Variants in VAX2 observed in about 807,000 individuals in gnomAD.
The protein encoded by VAX2 is ventral anterior homeobox 2.
In VAX2, 8 loss-of-function variants were observed where a neutral mutation model predicts 12.5. The observed-to-expected ratio is 0.64, with a 90% CI of 0.37 to 1.15. The LOEUF (loss-of-function observed/expected upper bound fraction) is 1.15, where lower values mean the gene tolerates loss of function less well. VAX2 is among the 50% of genes most tolerant of loss of function. The pLI is 0.01. For missense variants in VAX2, 476 were observed against 412.9 expected (o/e 1.15, Z -1.32); for synonymous variants, 183 against 187.6 (o/e 0.98, Z 0.20).
At chr2:70,920,965 G>T in intron 1 of VAX2, 133 bp from the exon 2 acceptor site, 3 of 1,098,666 alleles carry the variant, frequency 2.7e-6, no homozygotes, top group Middle Eastern at 2.7e-4. Context: ...TGAGCAACTT[G>T]TCACAGGTCA....
chr2:70,920,689 C>G (rs1380954188), intron 1 of VAX2, among the ~76,000 whole-genome samples: 1 of 151,994 alleles, frequency 6.6e-6, no homozygotes, highest in Non-Finnish European at 1.5e-5. Flanking sequence ...GGACCTGGCT[C>G]TGACCTCTCC....
At chr2:70,914,491 T>A (rs1679265304) in intron 1 of VAX2, among the ~76,000 whole-genome samples, 1 of 152,196 alleles carries the variant, frequency 6.6e-6, no homozygotes, top group African/African-American at 2.4e-5. Context: ...GTTATGTGCA[T>A]CTTTAATCTT....
intron 2 of VAX2, 38 bp downstream of exon 2, chr2:70,921,323 G>C: frequency 6.6e-7 from 1 of 1,525,692 alleles, no homozygotes; most frequent in Non-Finnish European, 8.8e-7. Context: ...CTCTTGTCCT[G>C]GCAGCCTGGG....
intron 1 of VAX2, among the ~76,000 whole-genome samples, chr2:70,901,161 T>C (rs1365209329): frequency 6.6e-6 from 1 of 151,714 alleles, no homozygotes; most frequent in Non-Finnish European, 1.5e-5. Flanking sequence ...AGAAATGGAG[T>C]GCGGGATGCT....
intron 2 of VAX2, among the ~76,000 whole-genome samples, chr2:70,929,347 T>C (rs1288050269): frequency 6.6e-6 from 1 of 152,176 alleles, no homozygotes; most frequent in Admixed American, 6.5e-5. Context: ...TGCCAGCCCA[T>C]AAACTGTTAC....
intron 1 of VAX2, among the ~76,000 whole-genome samples, chr2:70,913,375 T>C (rs1342341427): frequency 1.3e-5 from 2 of 152,248 alleles, no homozygotes; most frequent in African/African-American, 4.8e-5. Context: ...AAAATTTATT[T>C]TTTATTAGAA....
At chr2:70,930,247 C>CA (rs11381616) in intron 2 of VAX2, among the ~76,000 whole-genome samples, 114,799 of 152,050 alleles carry the variant, frequency 0.76, 43,464 homozygotes, top group East Asian at 0.87. Context: ...TTCAAAACAC[C>CA]AACTCACATC....
In VAX2 at chr2:70,900,724, C is replaced by T; in HGVS notation, c.103C>T (p.Arg35Ter). 7.1e-7 allele frequency: 1 copy of T among 1,409,398 alleles called. No individual in the cohort carries two copies. The highest frequency in any genetic ancestry group is 9.3e-7 in the Non-Finnish European group (1 of 1,075,690). 87.3% of individuals were successfully genotyped at this position (1,409,398 alleles called of 1,614,324 possible). A position where few individuals can be genotyped will look rare whatever the true frequency, so the allele number is the denominator to read the frequency against. The change falls in exon 1 of 3, where the codon CGA (arginine) becomes TGA (stop). Residue 35 changes from arginine (R) to a stop codon, truncating the protein, a stop_gained. Coordinates refer to ENST00000234392, the MANE Select transcript of VAX2 (RefSeq NM_012476.3). LOFTEE classifies it high-confidence loss of function. ...AGACCGCAGCGGAGCGGGGGACTTG[C>T]GAGCTGATGGCGGTGGCCACAGCCC... ...CGDRSGAGDL[R>*]ADGGGHSPTE...
chr2:70,924,035 C>T (rs559771526), intron 2 of VAX2, among the ~76,000 whole-genome samples: 18 of 152,184 alleles, frequency 1.2e-4, no homozygotes, highest in African/African-American at 4.3e-4. Context: ...GTGGCACACA[C>T]CTGTAGTCCC....
At chr2:70,911,749 G>T (rs557017249) in intron 1 of VAX2, among the ~76,000 whole-genome samples, 131 of 152,128 alleles carry the variant, frequency 8.6e-4, no homozygotes, top group African/African-American at 3.0e-3. Context: ...TGAATAATTT[G>T]TTCGGTTTCC....
At chr2:70,914,490 A>C (rs1372179595) in intron 1 of VAX2, among the ~76,000 whole-genome samples, 7 of 152,184 alleles carry the variant, frequency 4.6e-5, no homozygotes, top group Admixed American at 4.6e-4. Flanking sequence ...AGTTATGTGC[A>C]TCTTTAATCT....
chr2:70,932,679 C>A lies in VAX2; in HGVS notation c.436-88C>A, dbSNP rs576309159. 4,459 of 579,626 alleles carry A rather than the reference C, an allele frequency of 7.7e-3. 36 individuals carry two copies. Among genetic ancestry groups the A allele is most frequent in the Non-Finnish European group, 9.3e-3 (3,564 of 383,362 alleles). 35.9% of individuals were successfully genotyped at this position (579,626 alleles called of 1,614,324 possible). On this transcript the variant is annotated intron_variant, in intron 2 of 2. Transcript: ENST00000234392. ...ATCCACCACCTGCCCCAACCCCATG[C>A]CCTTCCTCTCCTTTCCTCCTCCCAC...
At position 70,933,232 on chromosome 2, in the gene VAX2, G is replaced by A. The variant is rs782073280; in HGVS notation, c.*28G>A. ...CTCCCACCCTGTGACACTGAGTCCC[G>A]AGCACAGCACCTTCCCAGTCTCCTG... On this transcript the variant is annotated 3_prime_UTR_variant, in exon 3 of 3. Transcript: ENST00000234392. 25 of 1,487,618 alleles carry A rather than the reference G, an allele frequency of 1.7e-5. No homozygotes were observed. The East Asian group carries it at 3.6e-4, about 21-fold the overall frequency. 92.2% of individuals were successfully genotyped at this position (1,487,618 alleles called of 1,614,324 possible). A position where few individuals can be genotyped will look rare whatever the true frequency, so the allele number is the denominator to read the frequency against.
intron 1 of VAX2, among the ~76,000 whole-genome samples, chr2:70,914,009 C>A (rs533006981): frequency 1.5e-4 from 23 of 152,180 alleles, no homozygotes; most frequent in African/African-American, 4.8e-4. Context: ...ACAAATGTAC[C>A]ACTATTTGTT....
intron 1 of VAX2, among the ~76,000 whole-genome samples, chr2:70,920,276 ACACATGGATCAT>A (rs1679423266): frequency 6.6e-6 from 1 of 152,196 alleles, no homozygotes; most frequent in Non-Finnish European, 1.5e-5. Flanking sequence ...TATGTGGGTC[ACACATGGATCAT>A]CTCCACCCCT....
chr2:70,901,606 T>C (rs1005835894), intron 1 of VAX2, among the ~76,000 whole-genome samples: 6 of 152,226 alleles, frequency 3.9e-5, no homozygotes, highest in Admixed American at 3.9e-4. Flanking sequence ...ACCTTCTTCC[T>C]GCAAGCTCCT....
At chr2:70,903,382 C>T (rs1427757838) in intron 1 of VAX2, among the ~76,000 whole-genome samples, 1 of 152,182 alleles carries the variant, frequency 6.6e-6, no homozygotes, top group African/African-American at 2.4e-5. Context: ...TCCTTTCTGC[C>T]TCCCTTTCAT....
intron 1 of VAX2, among the ~76,000 whole-genome samples, chr2:70,901,255 G>A (rs906448102): frequency 1.1e-4 from 17 of 152,234 alleles, no homozygotes; most frequent in Admixed American, 9.2e-4. Context: ...GGACGTGGAG[G>A]GAGCAGCGTC....
chr2:70,929,956 T>A (rs1374064293), intron 2 of VAX2, among the ~76,000 whole-genome samples: 1 of 152,206 alleles, frequency 6.6e-6, no homozygotes, highest in Non-Finnish European at 1.5e-5. Context: ...TGGGCCTCAA[T>A]GTATATCTGG....
Sources: allele counts gnomAD v4.1 joint callset (sites outside exome capture counted in the v4.1 genomes callset), GRCh38; gene constraint gnomAD v4.1.1; transcripts MANE v1.5; gene names NCBI Gene and HGNC (gene_info 2026-07-23, HGNC 2026-07-21).